Variants in TPST1 observed in about 807,000 individuals in gnomAD.
The protein encoded by TPST1 is protein-tyrosine sulfotransferase 1.
A neutral mutation model predicts 34.8 loss-of-function variants in TPST1; 20 were observed. The observed-to-expected ratio is 0.57, with a 90% confidence interval of 0.40 to 0.84. The LOEUF is 0.84. Ranked by LOEUF, TPST1 falls within the 40% of genes least tolerant of loss-of-function variation. The probability of loss-of-function intolerance (pLI) is 0.00; values close to 1 mark genes in which losing one functional copy is unlikely to be tolerated. For synonymous variants in TPST1, 152 were observed against 159.4 expected (o/e 0.95, Z 0.35); for missense variants, 353 against 455.5 (o/e 0.78, Z 2.05).
intron 1 of TPST1, among the ~76,000 whole-genome samples, chr7:66,210,991 GCA>G (rs138084521): frequency 8.0e-5 from 12 of 149,976 alleles, no homozygotes; most frequent in Non-Finnish European, 1.3e-4. Context: ...ACACGCGCGC[GCA>G]CACACACACA....
chr7:66,284,384 TCAAA>T (rs914364372), intron 2 of TPST1, among the ~76,000 whole-genome samples: 1 of 152,036 alleles, frequency 6.6e-6, no homozygotes, highest in Non-Finnish European at 1.5e-5. Context: ...TCTCTACATG[TCAAA>T]CAAAACAAAG....
upstream of TPST1, among the ~76,000 whole-genome samples, chr7:66,203,446 C>T (rs1359391615): frequency 1.3e-5 from 2 of 150,482 alleles, no homozygotes; most frequent in Admixed American, 1.3e-4. Flanking sequence ...GTACCTTAGA[C>T]AGTTGCTGTA....
In TPST1 at chr7:66,248,172, G is replaced by A. The variant is rs79299979; in HGVS notation, c.845+6902G>A. Among the ~76,000 whole-genome samples, 36 of 152,142 alleles carry A rather than the reference G, an allele frequency of 2.4e-4. 1 individual carries two copies. In the East Asian group the frequency reaches 5.4e-3, roughly 23 times the overall value. On this transcript the variant is annotated intron_variant, in intron 2 of 5. Transcript: ENST00000304842. Reference sequence around the variant, plus strand: ...AAACAAGGTTTGAGAGAAATGATGCGGACCAGGCTTTGGAGGGCCTTATAT... The same window carrying A: ...AAACAAGGTTTGAGAGAAATGATGCAGACCAGGCTTTGGAGGGCCTTATAT...
chr7:66,275,516 C>G (rs919187157), intron 2 of TPST1, among the ~76,000 whole-genome samples: 1 of 152,186 alleles, frequency 6.6e-6, no homozygotes, highest in Non-Finnish European at 1.5e-5. Flanking sequence ...ATGCGGCATA[C>G]ATACACAATG....
chr7:66,319,041 C>T (rs1285709261), intron 3 of TPST1, among the ~76,000 whole-genome samples: 2 of 152,144 alleles, frequency 1.3e-5, no homozygotes, highest in Non-Finnish European at 2.9e-5. Flanking sequence ...AATTTTACTA[C>T]AATATAGCTA....
intron 3 of TPST1, among the ~76,000 whole-genome samples, chr7:66,313,425 AAAT>A (rs1461479359): frequency 6.6e-6 from 1 of 152,132 alleles, no homozygotes; most frequent in Non-Finnish European, 1.5e-5. Context: ...AAAAAAAATA[AAAT>A]AATAAAATAA....
chr7:66,356,379 C>T (rs1382204887), intron 4 of TPST1, among the ~76,000 whole-genome samples: 4 of 152,186 alleles, frequency 2.6e-5, no homozygotes, highest in African/African-American at 9.7e-5. Context: ...CACTGAACTT[C>T]CACACCCAGC....
At chr7:66,355,902 CAAAAAA>C (rs573200695) in intron 4 of TPST1, among the ~76,000 whole-genome samples, 2 of 56,892 alleles carry the variant, frequency 3.5e-5, no homozygotes, top group Admixed American at 2.2e-4. Context: ...AAGACTCCAT[CAAAAAA>C]AAAAAAAAAA....
chr7:66,239,618 G>A (rs1789984057), intron 1 of TPST1, among the ~76,000 whole-genome samples: 1 of 152,194 alleles, frequency 6.6e-6, no homozygotes, highest in African/African-American at 2.4e-5. Context: ...GATAATGACT[G>A]CTTGGAGGTA....
chr7:66,261,416 A>G (rs963223589), intron 2 of TPST1, among the ~76,000 whole-genome samples: 4 of 152,082 alleles, frequency 2.6e-5, no homozygotes, highest in African/African-American at 7.2e-5. Flanking sequence ...TTTATAAGTT[A>G]TGTACTAGTT....
intron 3 of TPST1, among the ~76,000 whole-genome samples, chr7:66,345,323 C>A (rs1437827642): frequency 1.3e-5 from 2 of 150,784 alleles, no homozygotes; most frequent in Non-Finnish European, 3.0e-5. Flanking sequence ...ATGGTGAAAC[C>A]CTGTCTCTAC....
chr7:66,199,923 G>A, the TPST1 span, among the ~76,000 whole-genome samples: 1 of 151,860 alleles, frequency 6.6e-6, no homozygotes, highest in Non-Finnish European at 1.5e-5. Context: ...GCTGGCCAGA[G>A]GTTTCACCAT....
At chr7:66,296,254 C>T (rs1351101482) in intron 3 of TPST1, among the ~76,000 whole-genome samples, 5 of 36,348 alleles carry the variant, frequency 1.4e-4, no homozygotes, top group African/African-American at 8.3e-4. Flanking sequence ...CCTTCCCCCC[C>T]CCCTCCCCCA....
chr7:66,222,167 A>G (rs187438943), intron 1 of TPST1, among the ~76,000 whole-genome samples: 1 of 152,274 alleles, frequency 6.6e-6, no homozygotes, highest in African/African-American at 2.4e-5. Flanking sequence ...GTGGATCACA[A>G]GGTCAGGAGA....
chr7:66,200,580 C>T (rs1452175076), upstream of TPST1, among the ~76,000 whole-genome samples: 2 of 151,840 alleles, frequency 1.3e-5, no homozygotes, highest in Admixed American at 1.3e-4. Flanking sequence ...CCAGCACACC[C>T]GGCTAATTTT....
chr7:66,268,357 A>G (rs1043002575), intron 2 of TPST1, among the ~76,000 whole-genome samples: 5 of 152,188 alleles, frequency 3.3e-5, no homozygotes, highest in Middle Eastern at 3.2e-3. Flanking sequence ...TAGATTTTCT[A>G]ATGAGACCTT....
At chr7:66,355,902 C>CAAAAAAAA (rs573200695) in intron 4 of TPST1, among the ~76,000 whole-genome samples, 1 of 56,908 alleles carries the variant, frequency 1.8e-5, no homozygotes, top group Non-Finnish European at 3.2e-5. Context: ...AAGACTCCAT[C>CAAAAAAAA]AAAAAAAAAA....
At chr7:66,232,986 T>C (rs1481612074) in intron 1 of TPST1, among the ~76,000 whole-genome samples, 1 of 152,250 alleles carries the variant, frequency 6.6e-6, no homozygotes, top group Non-Finnish European at 1.5e-5. Context: ...TTGTGCTTAT[T>C]GACCATTTGC....
intron 2 of TPST1, among the ~76,000 whole-genome samples, chr7:66,283,016 C>A (rs1351930720): frequency 6.6e-6 from 1 of 152,140 alleles, no homozygotes; most frequent in Non-Finnish European, 1.5e-5. Flanking sequence ...TGCCTGTAGT[C>A]CCAGCACTTT....
Sources: gnomAD v4.1 joint callset for allele counts (sites outside exome capture counted in the v4.1 genomes callset) on GRCh38, gnomAD v4.1.1 for gene constraint, MANE v1.5 for transcripts, NCBI Gene and HGNC (gene_info 2026-07-23, HGNC 2026-07-21) for gene names.